The following ASAH1 variants were observed in gnomAD, a reference collection of about 807,000 sequenced individuals.
The protein encoded by ASAH1 is acid ceramidase.
Under a neutral mutation model 59.5 loss-of-function variants are expected in ASAH1, and 70 were observed. The observed-to-expected ratio is 1.18, with a 90% CI of 0.97 to 1.43. The LOEUF is 1.43. Ranked by LOEUF, ASAH1 falls within the 40% of genes most tolerant of loss-of-function variation. The probability of loss-of-function intolerance (pLI) is 0.00; values close to 1 mark genes in which losing one functional copy is unlikely to be tolerated. For missense variants in ASAH1, 660 were observed against 482.5 expected (o/e 1.37, Z -3.45); for synonymous variants, 213 against 166.5 (o/e 1.28, Z -2.15).
intron 4 of ASAH1, 108 bp downstream of exon 4, chr8:18,069,684 C>G: frequency 2.6e-6 from 2 of 758,734 alleles, no homozygotes; most frequent in Non-Finnish European, 4.5e-6. Context: ...TAGATTCATG[C>G]AGATTTGCCC....
intron 2 of ASAH1, 89 bp from the exon 3 acceptor site, chr8:18,071,479 A>C (rs1224423058): frequency 2.5e-5 from 23 of 906,032 alleles, no homozygotes; most frequent in Non-Finnish European, 4.0e-5. Context: ...ATGAGAGGCA[A>C]AGTCTTAACA....
intron 13 of ASAH1, chr8:18,058,531 G>C (rs138453541): frequency 1.3e-4 from 39 of 311,862 alleles, no homozygotes; most frequent in African/African-American, 8.2e-4. Context: ...TTGACATTTA[G>C]GTGTTAGTTA....
At chr8:18,065,910 G>GTGTGTGTA (rs775883217) in intron 5 of ASAH1, 2 of 147,324 alleles carry the variant, frequency 1.4e-5, no homozygotes, top group South Asian at 4.3e-4. Flanking sequence ...GTGTGTGTGT[G>GTGTGTGTA]TATATATATA....
chr8:18,059,916 G>C (rs1799622331), intron 10 of ASAH1: 1 of 491,072 alleles, frequency 2.0e-6, no homozygotes, highest in African/African-American at 2.0e-5. Flanking sequence ...TTGTCCTAAT[G>C]CTCTCCCTCC....
intron 1 of ASAH1, among the ~76,000 whole-genome samples, chr8:18,082,762 A>C (rs1021593383): frequency 6.6e-6 from 1 of 152,032 alleles, no homozygotes; most frequent in Non-Finnish European, 1.5e-5. Flanking sequence ...AAGAACACTA[A>C]ACCCAATTTG....
At position 18,081,896 on chromosome 8, in the gene ASAH1, T is replaced by C. The variant is rs1188742714; in HGVS notation, c.78+2085A>G. On this transcript the variant is annotated intron_variant, in intron 1 of 13. Coordinates refer to ENST00000637790, the MANE Select transcript of ASAH1 (RefSeq NM_177924.5). ...CTTCAGTGCATGGATCCCAGGATTT[T>C]CCAGGCCAGTAAAAAAAAATTAATG... Among the ~76,000 whole-genome samples, 4 of 152,278 alleles carry C rather than the reference T, an allele frequency of 2.6e-5. No individual in the cohort carries two copies. The South Asian group carries it at 6.2e-4, about 24-fold the overall frequency.
intron 5 of ASAH1, 106 bp downstream of exon 5, chr8:18,067,114 A>ATATCTAAGACATACAGCACCTGTGCTGTC: frequency 7.8e-6 from 4 of 514,530 alleles, no homozygotes; most frequent in Non-Finnish European, 1.1e-5. Flanking sequence ...CCTGTGCTGT[A>ATATCTAAGACATACAGCACCTGTGCTGTC]TATCTAAGAC....
rs2106037 is a variant in ASAH1, at chr8:18,069,771, G to T, written c.303+21C>A. 606,697 of 1,471,904 alleles carry T rather than the reference G, an allele frequency of 0.41. 129,597 individuals carry two copies. Among genetic ancestry groups the T allele is most frequent in the Admixed American group, 0.48 (28,207 of 59,014 alleles). 91.2% of individuals were successfully genotyped at this position (1,471,904 alleles called of 1,614,324 possible). ...ATTTTCTATGTGCTTAACATTTATT[G>T]TGAGAAATAATATCTCTTACCAATT... On this transcript the variant is annotated intron_variant, in intron 4 of 13. Coordinates refer to ENST00000637790, the MANE Select transcript of ASAH1 (RefSeq NM_177924.5).
At chr8:18,069,908 G>C (rs776434634) in intron 3 of ASAH1, 30 bp from the exon 4 acceptor site, 3 of 1,467,248 alleles carry the variant, frequency 2.0e-6, no homozygotes, top group Admixed American at 3.4e-5. Flanking sequence ...CTTACTAAAA[G>C]ACATAATGAA....
chr8:18,061,405 T>C lies in ASAH1; in HGVS notation c.757A>G (p.Thr253Ala). The C allele has an allele frequency of 1.9e-6, 3 of 1,612,870 alleles. No homozygotes were observed. In the South Asian group the frequency reaches 3.3e-5, roughly 18 times the overall value. Reference protein sequence around the residue: ...KKDVMWIGFLTRTVLENSTSY... With the variant: ...KKDVMWIGFLARTVLENSTSY... ...GTGCTATTTTCCAGAACTGTTCTAG[T>C]GAGGAACCCTATCCACATGACATCT... The change falls in exon 10 of 14, where the codon ACT (threonine) becomes GCT (alanine). Residue 253 changes from threonine (T) to alanine (A), a missense_variant. Coordinates refer to ENST00000637790, the MANE Select transcript of ASAH1 (RefSeq NM_177924.5).
At chr8:18,057,668 A>AACATCTCTGAATT in intron 13 of ASAH1, 45 bp from the exon 14 acceptor site, 1 of 1,363,684 alleles carries the variant, frequency 7.3e-7, no homozygotes, top group Non-Finnish European at 1.0e-6. Flanking sequence ...TTCAATTCAG[A>AACATCTCTGAATT]GATGTTCTGA....
At chr8:18,071,080 G>A (rs907340734) in intron 3 of ASAH1, among the ~76,000 whole-genome samples, 5 of 151,886 alleles carry the variant, frequency 3.3e-5, no homozygotes, top group Admixed American at 1.3e-4. Context: ...GGTGGCAGGT[G>A]CCTGTAATTC....
intron 1 of ASAH1, chr8:18,083,769 G>A (rs887730721): frequency 1.1e-6 from 1 of 924,630 alleles, no homozygotes; most frequent in African/African-American, 1.7e-5. Context: ...TCCTTTAAAG[G>A]AGTTCTAGTT....
intron 13 of ASAH1, 152 bp downstream of exon 13, chr8:18,058,683 T>G: frequency 1.5e-6 from 1 of 686,538 alleles, no homozygotes; most frequent in South Asian, 1.7e-5. Context: ...AAAATACAGT[T>G]TTAGCCACAC....
At chr8:18,061,521 C>G in intron 9 of ASAH1, 63 bp from the exon 10 acceptor site, 1 of 1,484,238 alleles carries the variant, frequency 6.7e-7, no homozygotes, top group Non-Finnish European at 9.4e-7. Context: ...CAGTCAGGAC[C>G]CGGAAGAGGC....
In ASAH1 at chr8:18,059,472, C is replaced by A; in HGVS notation, c.918-8G>T. 6.2e-7 allele frequency: 1 copy of A among 1,614,168 alleles called. No homozygotes were observed. Among genetic ancestry groups the A allele is most frequent in the Non-Finnish European group, 8.5e-7 (1 of 1,180,030 alleles). ...CCCTGCTTAGCATCGAGTCTAGATA[C>A]AAAAGGAGAGATTCCCTCTTAGGCT... is the stretch of plus-strand genomic sequence containing the variant. On this transcript the variant is annotated splice_polypyrimidine_tract_variant and splice_region_variant and intron_variant, in intron 11 of 13. Transcript: ENST00000637790.
intron 1 of ASAH1, among the ~76,000 whole-genome samples, chr8:18,077,374 A>G (rs886958215): frequency 3.9e-5 from 6 of 152,178 alleles, no homozygotes; most frequent in African/African-American, 1.4e-4. Flanking sequence ...TATTTTTACT[A>G]CTGTCAATTT....
intron 13 of ASAH1, chr8:18,058,532 G>C (rs1354412571): frequency 1.3e-5 from 4 of 316,052 alleles, no homozygotes; most frequent in Admixed American, 9.4e-5. Context: ...TGACATTTAG[G>C]TGTTAGTTAT....
Position 18,071,344 on chromosome 8 carries a change from G to A in ASAH1, c.172C>T (p.Pro58Ser). 1.2e-6 allele frequency: 2 copies of A among 1,605,318 alleles called. No homozygotes were observed. The highest frequency in any genetic ancestry group is 1.7e-6 in the Non-Finnish European group (2 of 1,173,956). Residue 58 changes from proline to serine, a missense_variant, in exon 3 of 14, where the codon CCC becomes TCC. Pro to Ser is a moderately conservative substitution (Grantham distance 74, BLOSUM62 -1). Transcript: ENST00000637790. ...ATCAATTCATGCCATCTTTTGTAGG[G>A]TGGTAAGTCAAGATTTATGGTGTAC... ...PWYTINLDLP[P>S]YKRWHELMLD...
Sources: allele counts gnomAD v4.1 joint callset (sites outside exome capture counted in the v4.1 genomes callset), GRCh38; gene constraint gnomAD v4.1.1; transcripts MANE v1.5; gene names NCBI Gene and HGNC (gene_info 2026-07-23, HGNC 2026-07-21).